The following HIBADH variants were observed in gnomAD, a reference collection of about 807,000 sequenced individuals.
HIBADH encodes 3-hydroxyisobutyrate dehydrogenase.
HIBADH carries 25 observed loss-of-function variants against 36.1 expected under a neutral mutation model. The ratio of observed to expected loss-of-function variants is 0.69; its 90% CI spans 0.50 to 0.97. HIBADH has a LOEUF of 0.97. HIBADH is among the 50% of genes least tolerant of loss of function. The probability of loss-of-function intolerance (pLI) is 0.00; values close to 1 mark genes in which losing one functional copy is unlikely to be tolerated. For missense variants in HIBADH, 421 were observed against 418.0 expected, an observed-to-expected ratio of 1.01 and a Z score of -0.06; for synonymous variants, 160 against 149.5, an observed-to-expected ratio of 1.07 and a Z score of -0.51.
At chr7:27,528,187 G>GCT (rs560827029) in intron 7 of HIBADH, among the ~76,000 whole-genome samples, 4 of 151,688 alleles carry the variant, frequency 2.6e-5, no homozygotes, top group East Asian at 1.9e-4. Flanking sequence ...CTGAATGGCA[G>GCT]CTCTCTCTCT....
intron 4 of HIBADH, among the ~76,000 whole-genome samples, chr7:27,602,042 G>C (rs1484995924): frequency 1.3e-5 from 2 of 151,894 alleles, no homozygotes; most frequent in Non-Finnish European, 2.9e-5. Context: ...CTCCAAACTT[G>C]AATGTATTAG....
chr7:27,542,304 G>T (rs189163816), intron 5 of HIBADH, among the ~76,000 whole-genome samples: 1 of 152,132 alleles, frequency 6.6e-6, no homozygotes, highest in East Asian at 1.9e-4. Flanking sequence ...AGGGTCAACT[G>T]TAATTACAAA....
At chr7:27,565,924 T>C (rs1784541989) in intron 4 of HIBADH, among the ~76,000 whole-genome samples, 2 of 152,176 alleles carry the variant, frequency 1.3e-5, no homozygotes, top group African/African-American at 4.8e-5. Context: ...TCTGTATACA[T>C]ATATATACAT....
At chr7:27,622,526 T>TAGAG (rs1244826057) in intron 4 of HIBADH, among the ~76,000 whole-genome samples, 1 of 152,038 alleles carries the variant, frequency 6.6e-6, no homozygotes, top group Non-Finnish European at 1.5e-5. Context: ...ATAAAATTGA[T>TAGAG]AAACCATTGG....
intron 1 of HIBADH, among the ~76,000 whole-genome samples, chr7:27,655,020 C>T (rs1373859924): frequency 1.3e-5 from 2 of 152,120 alleles, no homozygotes; most frequent in Non-Finnish European, 2.9e-5. Context: ...GCTTCACCGG[C>T]TTATATACAT....
intron 4 of HIBADH, among the ~76,000 whole-genome samples, chr7:27,610,350 C>T (rs1785302407): frequency 6.6e-6 from 1 of 152,118 alleles, no homozygotes; most frequent in Non-Finnish European, 1.5e-5. Context: ...ACATTTCCAT[C>T]ACCTCCAAAA....
intron 2 of HIBADH, chr7:27,647,618 T>C (rs541991202): frequency 1.3e-5 from 3 of 235,578 alleles, no homozygotes; most frequent in Admixed American, 5.0e-5. Context: ...AACATAAATA[T>C]CTCCTTCATG....
At chr7:27,545,854 G>A (rs1784229557) in intron 4 of HIBADH, among the ~76,000 whole-genome samples, 1 of 152,106 alleles carries the variant, frequency 6.6e-6, no homozygotes, top group Admixed American at 6.6e-5. Context: ...TGAGGTCATG[G>A]CTTGCCAGCA....
chr7:27,528,279 G>C (rs549302833), intron 7 of HIBADH, among the ~76,000 whole-genome samples: 1 of 152,160 alleles, frequency 6.6e-6, no homozygotes, highest in Admixed American at 6.5e-5. Flanking sequence ...GGCCTCTTAA[G>C]TGTTCAAATG....
chr7:27,538,422 A>G lies in HIBADH; in HGVS notation c.619-5T>C, dbSNP rs1166215497. The G allele has an allele frequency of 1.9e-6, 3 of 1,610,864 alleles. No individual in the cohort carries two copies. In the East Asian group the frequency reaches 6.7e-5, roughly 36 times the overall value. On this transcript the variant is annotated splice_region_variant and splice_polypyrimidine_tract_variant and intron_variant, in intron 5 of 7. Coordinates refer to ENST00000265395, the MANE Select transcript of HIBADH (RefSeq NM_152740.4). Reference sequence around the variant, plus strand: ...GTTGTTGCAGATCTTTGCCGCCTGAAAATAAATTGAGTACATATTAAATAT... The same window carrying G: ...GTTGTTGCAGATCTTTGCCGCCTGAGAATAAATTGAGTACATATTAAATAT...
chr7:27,567,650 C>T (rs186113643), intron 4 of HIBADH, among the ~76,000 whole-genome samples: 20 of 151,912 alleles, frequency 1.3e-4, no homozygotes, highest in Admixed American at 5.2e-4. Context: ...TGTGTGTGTG[C>T]GTGCGTGCAC....
intron 1 of HIBADH, among the ~76,000 whole-genome samples, chr7:27,654,888 T>C (rs1179082491): frequency 1.3e-5 from 2 of 152,102 alleles, no homozygotes; most frequent in African/African-American, 4.8e-5. Flanking sequence ...GGTTTCATCA[T>C]GTTGGCCAGA....
intron 4 of HIBADH, among the ~76,000 whole-genome samples, chr7:27,563,413 C>A (rs549510344): frequency 6.6e-6 from 1 of 152,004 alleles, no homozygotes. Context: ...GAAGGTTTAC[C>A]GAGAGGTAGG....
intron 4 of HIBADH, among the ~76,000 whole-genome samples, chr7:27,548,926 T>C (rs577921738): frequency 5.6e-4 from 86 of 152,258 alleles, no homozygotes; most frequent in African/African-American, 2.0e-3. Context: ...TCTTGAAGAG[T>C]AATATTCTTG....
At chr7:27,541,356 T>C (rs1166266429) in intron 5 of HIBADH, among the ~76,000 whole-genome samples, 2 of 152,184 alleles carry the variant, frequency 1.3e-5, no homozygotes, top group Non-Finnish European at 1.5e-5. Context: ...TCTCCAGCTT[T>C]AGATCCTTCA....
intron 1 of HIBADH, among the ~76,000 whole-genome samples, chr7:27,659,729 TAAAC>T (rs70974490): frequency 0.01 from 1,582 of 151,266 alleles, 21 homozygotes; most frequent in African/African-American, 0.021. Context: ...CCATCTCAAA[TAAAC>T]AAACAAACAA....
intron 4 of HIBADH, among the ~76,000 whole-genome samples, chr7:27,615,091 T>C (rs531246214): frequency 6.6e-6 from 1 of 152,324 alleles, no homozygotes; most frequent in Non-Finnish European, 1.5e-5. Flanking sequence ...GGCGATTCCC[T>C]GTTTTTACTA....
chr7:27,659,521 G>T (rs1786374405), intron 1 of HIBADH, among the ~76,000 whole-genome samples: 1 of 151,468 alleles, frequency 6.6e-6, no homozygotes, highest in African/African-American at 2.4e-5. Flanking sequence ...TCAAGACCAG[G>T]CTGGGCAACA....
At chr7:27,566,073 T>G (rs927501760) in intron 4 of HIBADH, among the ~76,000 whole-genome samples, 2 of 152,130 alleles carry the variant, frequency 1.3e-5, no homozygotes, top group African/African-American at 4.8e-5. Flanking sequence ...TTTCTTAATA[T>G]GTTGATCAGA....
Sources: gnomAD v4.1 joint callset for allele counts (sites outside exome capture counted in the v4.1 genomes callset) on GRCh38, gnomAD v4.1.1 for gene constraint, MANE v1.5 for transcripts, NCBI Gene and HGNC (gene_info 2026-07-23, HGNC 2026-07-21) for gene names.